RAP1GDS1: variants seen among roughly 807,000 people sequenced by gnomAD.
The protein encoded by RAP1GDS1 is Rap1 GTPase-GDP dissociation stimulator 1.
A neutral mutation model predicts 71.1 loss-of-function variants in RAP1GDS1; 35 were observed. The ratio of observed to expected loss-of-function variants is 0.49; its 90% CI spans 0.38 to 0.65. RAP1GDS1 has a LOEUF of 0.65. RAP1GDS1 is among the 30% of genes least tolerant of loss of function. The pLI is 0.00. For synonymous variants in RAP1GDS1, 229 were observed against 243.1 expected, an observed-to-expected ratio of 0.94 and a Z score of 0.54; for missense variants, 663 against 706.1, an observed-to-expected ratio of 0.94 and a Z score of 0.69.
At chr4:98,292,153 G>T (rs1727051054) in intron 1 of RAP1GDS1, among the ~76,000 whole-genome samples, 1 of 149,698 alleles carries the variant, frequency 6.7e-6, no homozygotes, top group Non-Finnish European at 1.5e-5. Flanking sequence ...AAGAGATAGG[G>T]TCTTGCTCTG....
At chr4:98,407,694 G>A (rs1018684065) in intron 7 of RAP1GDS1, among the ~76,000 whole-genome samples, 4 of 152,094 alleles carry the variant, frequency 2.6e-5, no homozygotes, top group African/African-American at 7.2e-5. Flanking sequence ...AGATGAGGGG[G>A]TGAGGGGTAA....
intron 2 of RAP1GDS1, among the ~76,000 whole-genome samples, chr4:98,340,708 C>A (rs1037846907): frequency 4.6e-5 from 7 of 152,018 alleles, no homozygotes; most frequent in African/African-American, 1.7e-4. Context: ...GAGATCACAC[C>A]ACTTCACTCC....
intron 4 of RAP1GDS1, among the ~76,000 whole-genome samples, chr4:98,356,941 T>G (rs1738060296): frequency 6.6e-6 from 1 of 151,988 alleles, no homozygotes; most frequent in Non-Finnish European, 1.5e-5. Context: ...TATTTTAATA[T>G]AAAGTCTTTA....
At chr4:98,341,876 T>C (rs1295665266) in intron 2 of RAP1GDS1, among the ~76,000 whole-genome samples, 5 of 152,188 alleles carry the variant, frequency 3.3e-5, no homozygotes, top group African/African-American at 1.2e-4. Flanking sequence ...AAACCCATGA[T>C]TGGAAATACA....
chr4:98,300,771 G>A (rs757139370), intron 2 of RAP1GDS1, among the ~76,000 whole-genome samples: 1 of 152,132 alleles, frequency 6.6e-6, no homozygotes, highest in African/African-American at 2.4e-5. Context: ...AAACTGGTGT[G>A]ATTTGCTTTA....
chr4:98,421,711 G>T (rs1225200995), intron 12 of RAP1GDS1, among the ~76,000 whole-genome samples: 11 of 152,094 alleles, frequency 7.2e-5, no homozygotes. Context: ...TACCTAGATA[G>T]TATATGATGT....
intron 6 of RAP1GDS1, among the ~76,000 whole-genome samples, chr4:98,392,469 C>T (rs1391509917): frequency 6.6e-6 from 1 of 152,194 alleles, no homozygotes; most frequent in Non-Finnish European, 1.5e-5. Flanking sequence ...GGTTCCAGCA[C>T]TTCGGAAGGC....
chr4:98,368,109 G>C lies in RAP1GDS1; in HGVS notation c.362-10908G>C, dbSNP rs1009782160. 2.0e-5 allele frequency among the ~76,000 whole-genome samples: 3 copies of C among 152,096 alleles called. No individual in the cohort carries two copies. In the East Asian group the frequency reaches 5.8e-4, roughly 29 times the overall value. On this transcript the variant is annotated intron_variant, in intron 4 of 14. Transcript: ENST00000408927. ...GGGAGATAATTGAATCATGGGGGCA[G>C]ATCTTTCCTGTGCTGTTCTCATGAT...
At chr4:98,355,232 A>T (rs1737785199) in intron 4 of RAP1GDS1, among the ~76,000 whole-genome samples, 2 of 152,160 alleles carry the variant, frequency 1.3e-5, no homozygotes, top group South Asian at 4.1e-4. Flanking sequence ...ACTCTCGGGA[A>T]TGTAATGCTT....
At chr4:98,269,314 C>T (rs954758706) in intron 1 of RAP1GDS1, among the ~76,000 whole-genome samples, 7 of 151,882 alleles carry the variant, frequency 4.6e-5, no homozygotes, top group African/African-American at 1.7e-4. Flanking sequence ...CAAAAATCAG[C>T]TCAAAATGGG....
chr4:98,406,570 A>G (rs1746145325), intron 7 of RAP1GDS1, among the ~76,000 whole-genome samples: 1 of 152,048 alleles, frequency 6.6e-6, no homozygotes, highest in South Asian at 2.1e-4. Context: ...ATCCACAAAT[A>G]TTGTGAGAAA....
chr4:98,303,490 T>C (rs907360233), intron 2 of RAP1GDS1, among the ~76,000 whole-genome samples: 1 of 151,500 alleles, frequency 6.6e-6, no homozygotes, highest in African/African-American at 2.4e-5. Flanking sequence ...TACAAATGCT[T>C]TGTTTCTGCT....
chr4:98,336,225 A>G (rs1734704929), intron 2 of RAP1GDS1, among the ~76,000 whole-genome samples: 1 of 152,166 alleles, frequency 6.6e-6, no homozygotes. Context: ...CAATCTAGTT[A>G]TATACTCTGC....
chr4:98,312,732 T>G (rs1395851771), intron 2 of RAP1GDS1, among the ~76,000 whole-genome samples: 2 of 151,436 alleles, frequency 1.3e-5, no homozygotes, highest in African/African-American at 2.4e-5. Flanking sequence ...GATGTATAGA[T>G]ATATATATAT....
At chr4:98,432,600 A>G (rs1750586422) in intron 12 of RAP1GDS1, among the ~76,000 whole-genome samples, 1 of 152,210 alleles carries the variant, frequency 6.6e-6, no homozygotes, top group Non-Finnish European at 1.5e-5. Flanking sequence ...AAGCAAAGAT[A>G]CTTTCTAAAA....
At chr4:98,268,952 C>T (rs1177336254) in intron 1 of RAP1GDS1, among the ~76,000 whole-genome samples, 2 of 151,964 alleles carry the variant, frequency 1.3e-5, no homozygotes, top group East Asian at 3.9e-4. Context: ...AATAGCAAAA[C>T]AATTCTAAAA....
chr4:98,276,464 G>C (rs1724213558), intron 1 of RAP1GDS1, among the ~76,000 whole-genome samples: 1 of 150,592 alleles, frequency 6.6e-6, no homozygotes, highest in South Asian at 2.1e-4. Context: ...TAATTAAATG[G>C]TGATTTTTTT....
chr4:98,275,757 C>T (rs117051328), intron 1 of RAP1GDS1, among the ~76,000 whole-genome samples: 3 of 152,216 alleles, frequency 2.0e-5, no homozygotes, highest in East Asian at 1.9e-4. Flanking sequence ...ACCATTCATC[C>T]GTGCAACTGT....
chr4:98,297,139 G>A (rs941264463), intron 2 of RAP1GDS1: 4 of 153,708 alleles, frequency 2.6e-5, no homozygotes, highest in African/African-American at 9.8e-5. Flanking sequence ...GTGTTTACTT[G>A]TCTTTAAAGA....
Sources: gnomAD v4.1 joint callset for allele counts (sites outside exome capture counted in the v4.1 genomes callset) on GRCh38, gnomAD v4.1.1 for gene constraint, MANE v1.5 for transcripts, NCBI Gene and HGNC (gene_info 2026-07-23, HGNC 2026-07-21) for gene names.